Variants in BRD3 observed in about 807,000 individuals in gnomAD.
The protein encoded by BRD3 is bromodomain containing 3.
BRD3 carries 17 observed loss-of-function variants against 66.8 expected under a neutral mutation model. That is an observed-to-expected ratio of 0.25 (90% CI 0.17 to 0.38). The LOEUF (loss-of-function observed/expected upper bound fraction) is 0.38, where lower values mean the gene tolerates loss of function less well. BRD3 is among the 10% of genes least tolerant of loss of function. BRD3 has a pLI of 1.00. For synonymous variants in BRD3, 421 were observed against 393.2 expected (o/e 1.07, Z -0.84); for missense variants, 713 against 956.1 (o/e 0.75, Z 3.35).
rs1031257356 is a variant in BRD3 at position 134,048,509 on chromosome 9, T to A, written c.715-55A>T. On this transcript the variant is annotated intron_variant, in intron 5 of 11. Coordinates refer to ENST00000303407, the MANE Select transcript of BRD3 (RefSeq NM_007371.4). The stretch of plus-strand genomic sequence containing the variant: ...GGAAACCAGGGGCCCCGAAGACGCA[T>A]GTCGCTGCAGCCGCGTTTCTGGGGC... The A allele has an allele frequency of 2.0e-5, 32 of 1,593,116 alleles. No homozygotes were observed. In the Admixed American group the frequency reaches 5.0e-4, roughly 25 times the overall value.
rs140747014 is a variant in BRD3, at chr9:134,064,834, G to A, written c.-114+3111C>T. Among the ~76,000 whole-genome samples the A allele has an allele frequency of 9.7e-3, 1,471 of 152,290 alleles. 10 individuals carry two copies. Among genetic ancestry groups the A allele is most frequent in the Non-Finnish European group, 0.016 (1,060 of 68,024 alleles). On this transcript the variant is annotated intron_variant, in intron 1 of 11. Transcript: ENST00000303407. The stretch of plus-strand genomic sequence containing the variant: ...CATGATTTCACAGGAAGGAGAATAG[G>A]CAAAGAAAACCCTATGCTCCGCCAC...
Position 134,033,499 on chromosome 9 carries a change from T to TGGAACAGAAGTAGTAATATGAACCAC in BRD3, c.*65_*90dup. On this transcript the variant is annotated 3_prime_UTR_variant, in exon 12 of 12. Coordinates refer to ENST00000303407, the MANE Select transcript of BRD3 (RefSeq NM_007371.4). This position sits in a 1 kb window ranked among gnomAD's most constrained non-coding sequence, Gnocchi z 5.1. ...AATTAAGAAGCAGACCTGCACACCA[T>TGGAACAGAAGTAGTAATATGAACCAC]GGAACAGAAGTAGTAATATGAACCA... 1 of 642,458 alleles carries TGGAACAGAAGTAGTAATATGAACCAC rather than the reference T, an allele frequency of 1.6e-6. No homozygotes were observed. Among genetic ancestry groups the TGGAACAGAAGTAGTAATATGAACCAC allele is most frequent in the Admixed American group, 2.4e-5 (1 of 41,762 alleles). The allele number at this position is 642,458 out of a possible 1,614,324, so 39.8% of individuals were successfully genotyped here.
intron 7 of BRD3, among the ~76,000 whole-genome samples, chr9:134,043,108 G>C (rs535525730): frequency 4.3e-4 from 65 of 152,166 alleles, no homozygotes; most frequent in African/African-American, 1.5e-3. Context: ...TAAAGTGCTG[G>C]GATTATAGAT....
rs374811747 is a variant in BRD3, at chr9:134,050,605, G to A, written c.500-17C>T. 14 of 1,595,112 alleles carry A rather than the reference G, an allele frequency of 8.8e-6. No individual in the cohort carries two copies. The highest frequency in any genetic ancestry group is 1.2e-5 in the Non-Finnish European group (14 of 1,171,070). On this transcript the variant is annotated splice_polypyrimidine_tract_variant and intron_variant, in intron 4 of 11. Transcript: ENST00000303407. Reference sequence around the variant, plus strand: ...GCTGTGTACCTTCAAGACAAGGAAGGGATGTTCAACACACCAGGCTCCACT... The same window carrying A: ...GCTGTGTACCTTCAAGACAAGGAAGAGATGTTCAACACACCAGGCTCCACT...
chr9:134,039,731 CT>C (rs1362883530), intron 9 of BRD3, among the ~76,000 whole-genome samples: 2 of 152,230 alleles, frequency 1.3e-5, no homozygotes, highest in African/African-American at 4.8e-5. Context: ...TCAACTCCCC[CT>C]AGTCAAGATC....
chr9:134,051,414 A>C, intron 4 of BRD3, 148 bp downstream of exon 4: 1 of 784,672 alleles, frequency 1.3e-6, no homozygotes, highest in Non-Finnish European at 1.8e-6. Context: ...CATCACCCAC[A>C]GGCCACACTC....
rs1010875137 is a variant in BRD3, at chr9:134,032,664, C to CT, written c.*925dup. The CT allele has an allele frequency of 4.0e-5, 9 of 225,578 alleles. No individual in the cohort carries two copies. The highest frequency in any genetic ancestry group is 1.9e-4 in the East Asian group (3 of 15,820). 14.0% of individuals were successfully genotyped at this position (225,578 alleles called of 1,614,324 possible). A position where few individuals can be genotyped will look rare whatever the true frequency, so the allele number is the denominator to read the frequency against. On this transcript the variant is annotated 3_prime_UTR_variant, in exon 12 of 12. Transcript: ENST00000303407. ...TTCTTCTGCGGTTTTTTCTTATTTT[C>CT]TTTTTTTTAAAAATGACCAATGATG...
At chr9:134,040,321 G>T (rs1680488596) in intron 8 of BRD3, 52 bp from the exon 9 acceptor site, 3 of 1,550,732 alleles carry the variant, frequency 1.9e-6, no homozygotes, top group South Asian at 1.2e-5. Flanking sequence ...CACACCACTG[G>T]GGCTGCGTGG....
At position 134,051,596 on chromosome 9, in the gene BRD3, T is replaced by G; in HGVS notation, c.465A>C (p.Lys155Asn). Residue 155 changes from lysine to asparagine, a missense_variant, in exon 4 of 12, where the codon AAA becomes AAC. By Grantham distance (94) the Lys-to-Asn change is moderately conservative. Coordinates refer to ENST00000303407, the MANE Select transcript of BRD3 (RefSeq NM_007371.4). ...GGGCTCCCGCAGCCGGCTTCCGACC[T>G]TTGCCCTTTGGAGCAGGGGGTAATA... is the stretch of plus-strand genomic sequence containing the variant. ...VELLPPAPKG[K>N]GRKPAAGAQS... The G allele has an allele frequency of 6.4e-7, 1 of 1,572,770 alleles. No homozygotes were observed. The highest frequency in any genetic ancestry group is 8.6e-7 in the Non-Finnish European group (1 of 1,166,988).
intron 1 of BRD3, among the ~76,000 whole-genome samples, chr9:134,065,892 G>A (rs1261397783): frequency 1.3e-5 from 2 of 152,194 alleles, no homozygotes; most frequent in Non-Finnish European, 2.9e-5. Context: ...AGCACCGGCT[G>A]CAGCAGGCCT....
In BRD3 at chr9:134,032,499, GGCGAGC is replaced by G. The variant is rs748909949; in HGVS notation, c.*1085_*1090del. 8 of 230,854 alleles carry G rather than the reference GGCGAGC, an allele frequency of 3.5e-5. No homozygotes were observed. Among genetic ancestry groups the G allele is most frequent in the Admixed American group, 5.7e-5 (1 of 17,672 alleles). 14.3% of individuals were successfully genotyped at this position (230,854 alleles called of 1,614,324 possible). Reference sequence around the variant, plus strand: ...AACCAAAAAACCCAACAAACCCAGGGGCGAGCGCGCGAACAGACGTGGGTGAGCACC... The same window carrying G: ...AACCAAAAAACCCAACAAACCCAGGGGCGCGAACAGACGTGGGTGAGCACC... On this transcript the variant is annotated 3_prime_UTR_variant, in exon 12 of 12. Coordinates refer to ENST00000303407, the MANE Select transcript of BRD3 (RefSeq NM_007371.4).
intron 6 of BRD3, 133 bp downstream of exon 6, chr9:134,047,950 C>G: frequency 7.7e-7 from 1 of 1,294,174 alleles, no homozygotes; most frequent in Non-Finnish European, 1.0e-6. Flanking sequence ...CGGGGGCCAG[C>G]CTGGAGGGTG....
chr9:134,065,322 G>A (rs1830627442), intron 1 of BRD3, among the ~76,000 whole-genome samples: 1 of 152,154 alleles, frequency 6.6e-6, no homozygotes, highest in Non-Finnish European at 1.5e-5. Flanking sequence ...TACTTGGGAG[G>A]CTGAAGCAGG....
chr9:134,053,408 G>A lies in BRD3; in HGVS notation c.70C>T (p.Pro24Ser), dbSNP rs1014119699. 1.9e-6 allele frequency: 3 copies of A among 1,612,210 alleles called. No homozygotes were observed. The highest frequency in any genetic ancestry group is 1.7e-5 in the Admixed American group (1 of 60,018). The change falls in exon 2 of 12, where the codon CCG (proline) becomes TCG (serine). Residue 24 changes from proline (P) to serine (S), a missense_variant. Pro to Ser is a moderately conservative substitution (Grantham distance 74, BLOSUM62 -1). Coordinates refer to ENST00000303407, the MANE Select transcript of BRD3 (RefSeq NM_007371.4). The part of the protein sequence containing the change: ...ATPGPVNPPP[P>S]EVSNPSKPGR... ...GGCTTGCTGGGGTTGGAGACCTCCG[G>A]GGGGGGTGGGTTCACAGGGCCCGGG...
intron 1 of BRD3, chr9:134,056,553 C>T (rs1367206724): frequency 6.6e-6 from 1 of 152,380 alleles, no homozygotes; most frequent in East Asian, 1.9e-4. Flanking sequence ...AAGCGGAGCC[C>T]CCAGGCAGCC....
rs1554829362 is a variant in BRD3 at position 134,051,875 on chromosome 9, G to GTGTGTA, written c.352-167_352-166insTACACA. Among the ~76,000 whole-genome samples the GTGTGTA allele has an allele frequency of 2.3e-4, 23 of 101,012 alleles. 1 individual carries two copies. Among genetic ancestry groups the GTGTGTA allele is most frequent in the African/African-American group, 6.5e-4 (16 of 24,608 alleles). The allele number at this position is 101,012 out of a possible 152,430, so 66.3% of individuals were successfully genotyped here. ...TGTGTGTGTGTGTGTGTGTGTGTGTGTGTTGTTTTTTTTGTTTTTTTTTTT... is the reference window on the plus strand; with the variant it reads ...TGTGTGTGTGTGTGTGTGTGTGTGTGTGTGTATGTTGTTTTTTTTGTTTTTTTTTTT... On this transcript the variant is annotated intron_variant, in intron 3 of 11. Coordinates refer to ENST00000303407, the MANE Select transcript of BRD3 (RefSeq NM_007371.4).
rs1309492460 is a variant in BRD3 at position 134,032,140 on chromosome 9, C to G, written c.*1450G>C. 2 of 216,588 alleles carry G rather than the reference C, an allele frequency of 9.2e-6. No homozygotes were observed. Among genetic ancestry groups the G allele is most frequent in the African/African-American group, 4.5e-5 (2 of 44,246 alleles). The allele number at this position is 216,588 out of a possible 1,614,324, so 13.4% of individuals were successfully genotyped here. A position where few individuals can be genotyped will look rare whatever the true frequency, so the allele number is the denominator to read the frequency against. ...TTGGTGGGCCAGTTTGGGACATCCC[C>G]GTACTCAAAGACCATATGGCAGCCT... On this transcript the variant is annotated 3_prime_UTR_variant, in exon 12 of 12. Coordinates refer to ENST00000303407, the MANE Select transcript of BRD3 (RefSeq NM_007371.4).
chr9:134,046,788 AG>A (rs1234984579), intron 6 of BRD3, among the ~76,000 whole-genome samples: 2 of 152,210 alleles, frequency 1.3e-5, no homozygotes, highest in African/African-American at 4.8e-5. Context: ...GGACAGATAG[AG>A]GTGGGAAGCT....
intron 1 of BRD3, among the ~76,000 whole-genome samples, chr9:134,064,346 G>A (rs910155420): frequency 6.6e-6 from 1 of 151,684 alleles, no homozygotes; most frequent in Non-Finnish European, 1.5e-5. Context: ...CGGCCAACAT[G>A]GCGAAACCCC....
Sources: gnomAD v4.1 joint callset for allele counts (sites outside exome capture counted in the v4.1 genomes callset) on GRCh38, gnomAD v4.1.1 for gene constraint, Gnocchi (gnomAD v3.1) non-coding constraint, MANE v1.5 for transcripts, NCBI Gene and HGNC (gene_info 2026-07-23, HGNC 2026-07-21) for gene names.